The following MYB variants were observed in gnomAD, a reference collection of about 807,000 sequenced individuals.
MYB encodes MYB proto-oncogene, transcription factor, also known as transcriptional activator Myb.
In MYB, 28 loss-of-function variants were observed where a neutral mutation model predicts 92.9. That is an observed-to-expected ratio of 0.30 (90% CI 0.22 to 0.41). MYB has a LOEUF of 0.41. MYB is among the 10% of genes least tolerant of loss of function. The probability of loss-of-function intolerance (pLI) is 1.00; values close to 1 mark genes in which losing one functional copy is unlikely to be tolerated. For synonymous variants in MYB, 295 were observed against 329.1 expected (o/e 0.90, Z 1.12); for missense variants, 679 against 929.3 (o/e 0.73, Z 3.50).
At position 135,190,787 on chromosome 6, in the gene MYB, A is replaced by AT. The variant is rs530702207; in HGVS notation, c.527+448dup. On this transcript the variant is annotated intron_variant, in intron 5 of 15. Coordinates refer to ENST00000341911, the MANE Select transcript of MYB (RefSeq NM_001130173.2). The surrounding 1 kb of genome is among the most constrained non-coding windows in gnomAD (Gnocchi z 4.5). The stretch of plus-strand genomic sequence containing the variant: ...CTGATAACCATCATTCATTTCTTTT[A>AT]TTTTTTTTAATTATTATTTTTTAGA... Among the ~76,000 whole-genome samples, 398 of 152,062 alleles carry AT rather than the reference A, an allele frequency of 2.6e-3. 2 individuals carry two copies. Among genetic ancestry groups the AT allele is most frequent in the African/African-American group, 8.9e-3 (368 of 41,466 alleles).
At position 135,217,851 on chromosome 6, in the gene MYB, C is replaced by G; in HGVS notation, c.2170-13C>G. On this transcript the variant is annotated splice_polypyrimidine_tract_variant and intron_variant, in intron 15 of 15. Coordinates refer to ENST00000341911, the MANE Select transcript of MYB (RefSeq NM_001130173.2). ...TTGTCTGACGCTCCTGTTGCCATCC[C>G]TTTCTCCATCAGCCTTGTAGCAGTA... The G allele has an allele frequency of 6.4e-7, 1 of 1,572,854 alleles. No homozygotes were observed. Among genetic ancestry groups the G allele is most frequent in the Non-Finnish European group, 8.8e-7 (1 of 1,142,668 alleles).
At chr6:135,208,204 G>A (rs866161720) in intron 15 of MYB, among the ~76,000 whole-genome samples, 4 of 149,388 alleles carry the variant, frequency 2.7e-5, no homozygotes, top group African/African-American at 9.9e-5. Flanking sequence ...TTAGCCTCTC[G>A]AGTAGCTGGG....
At chr6:135,194,677 T>C (rs1373152061) in intron 8 of MYB, 5 of 569,214 alleles carry the variant, frequency 8.8e-6, no homozygotes, top group Non-Finnish European at 1.2e-5. Context: ...AAAAATGCAA[T>C]ATCCACTTAT....
chr6:135,194,544 A>C, intron 8 of MYB, 84 bp downstream of exon 8: 2 of 935,484 alleles, frequency 2.1e-6, no homozygotes, highest in Non-Finnish European at 3.3e-6. Flanking sequence ...TAAATATTAC[A>C]CTTAGCAAGG....
chr6:135,207,231 A>T (rs1344243692), intron 15 of MYB, among the ~76,000 whole-genome samples: 1 of 152,192 alleles, frequency 6.6e-6, no homozygotes, highest in African/African-American at 2.4e-5. Context: ...ATTAAGTGGG[A>T]TTTTAGCCAA....
In MYB at chr6:135,197,166, C is replaced by G; in HGVS notation, c.1409C>G (p.Ala470Gly). ...SLDPPKVLPP[A>G]RHSTIPLVIL... ...GACCCACCCAAGGTCTTACCTCCTGCAAGGCACAGCACAATTCCACTGGTC... is the reference window on the plus strand; with the variant it reads ...GACCCACCCAAGGTCTTACCTCCTGGAAGGCACAGCACAATTCCACTGGTC... The change falls in exon 10 of 16, where the codon GCA (alanine) becomes GGA (glycine). Residue 470 changes from alanine to glycine, a missense_variant. Around this residue, in one of 8 missense-constraint regions of MYB, gnomAD observed 402 missense variants for 434.2 expected, o/e 0.93. Transcript: ENST00000341911. 1 of 1,613,960 alleles carries G rather than the reference C, an allele frequency of 6.2e-7. No individual in the cohort carries two copies. Among genetic ancestry groups the G allele is most frequent in the African/African-American group, 1.3e-5 (1 of 75,030 alleles).
At position 135,197,048 on chromosome 6, in the gene MYB, C is replaced by CT. The variant is rs754165002; in HGVS notation, c.1292dup (p.Gln432ThrfsTer11). On this transcript the variant is annotated frameshift_variant, in exon 10 of 16. Transcript: ENST00000341911. LOFTEE classifies it high-confidence loss of function. ...TAGCCAACATCACACAGGCAAAGCC[C>CT]TACAGCTTCAGCAAAGAGAGGGCAA... 57 of 1,613,912 alleles carry CT rather than the reference C, an allele frequency of 3.5e-5. No individual in the cohort carries two copies. The highest frequency in any genetic ancestry group is 4.7e-5 in the Non-Finnish European group (55 of 1,179,904).
At chr6:135,203,480 G>A (rs928511887) in intron 15 of MYB, 156 bp downstream of exon 15, 15 of 689,144 alleles carry the variant, frequency 2.2e-5, no homozygotes, top group African/African-American at 2.2e-4. Context: ...TACAATTCTT[G>A]ATGTCTAGAA....
intron 15 of MYB, 78 bp from the exon 16 acceptor site, chr6:135,217,786 G>T: frequency 2.1e-6 from 2 of 945,286 alleles, no homozygotes; most frequent in Non-Finnish European, 3.4e-6. Flanking sequence ...GCCATCTGTT[G>T]GTCAGTGCTG....
chr6:135,199,448 AATTTT>A (rs1777768853), intron 11 of MYB: 2 of 439,262 alleles, frequency 4.6e-6, no homozygotes, highest in South Asian at 8.2e-5. Flanking sequence ...ATTTTTATTT[AATTTT>A]ATTTGTTTAT....
chr6:135,188,628 G>T (rs2128287838), intron 3 of MYB, among the ~76,000 whole-genome samples: 1 of 151,610 alleles, frequency 6.6e-6, no homozygotes, highest in East Asian at 1.9e-4. Context: ...TCGTGCCTCA[G>T]CCCCCTTAGT....
In MYB at chr6:135,183,833, G is replaced by A. The variant is rs1775517623; in HGVS notation, c.24-2070G>A. ...GCTTTTAAGAGGCACGGAAGGACAT[G>A]GCATGGTCATGTATTAGCGCTGGAA... On this transcript the variant is annotated intron_variant, in intron 1 of 15. Coordinates refer to ENST00000341911, the MANE Select transcript of MYB (RefSeq NM_001130173.2). Among the ~76,000 whole-genome samples, 6 of 152,208 alleles carry A rather than the reference G, an allele frequency of 3.9e-5. No homozygotes were observed. In the South Asian group the frequency reaches 1.2e-3, roughly 31 times the overall value.
intron 14 of MYB, among the ~76,000 whole-genome samples, chr6:135,202,204 T>G (rs1778201364): frequency 6.6e-6 from 1 of 152,172 alleles, no homozygotes; most frequent in African/African-American, 2.4e-5. Context: ...TTAAAGTTTA[T>G]AATTTGTGAA....
At chr6:135,211,479 G>C (rs1265656703) in intron 15 of MYB, among the ~76,000 whole-genome samples, 1 of 152,042 alleles carries the variant, frequency 6.6e-6, no homozygotes, top group Non-Finnish European at 1.5e-5. Flanking sequence ...GTGACACTTA[G>C]AGAGAATAAA....
intron 8 of MYB, chr6:135,194,808 GT>G (rs1777080195): frequency 4.3e-6 from 4 of 927,958 alleles, no homozygotes; most frequent in Admixed American, 6.9e-5. Flanking sequence ...TACCATTTTG[GT>G]TTTTTTCTAT....
chr6:135,199,999 G>A, intron 11 of MYB, 86 bp from the exon 12 acceptor site: 1 of 1,025,926 alleles, frequency 9.7e-7, no homozygotes, highest in Non-Finnish European at 1.5e-6. Context: ...ATTGTATTCA[G>A]TGGAAAAATG....
chr6:135,212,224 C>CTTTTTTTTTT (rs545704827), intron 15 of MYB, among the ~76,000 whole-genome samples: 425 of 32,908 alleles, frequency 0.013, 35 homozygotes, highest in Non-Finnish European at 0.017. Context: ...TTTGGTTTTA[C>CTTTTTTTTTT]TTTTTTTTTT....
chr6:135,205,647 G>A (rs1778760021), intron 15 of MYB, among the ~76,000 whole-genome samples: 2 of 152,190 alleles, frequency 1.3e-5, no homozygotes, highest in African/African-American at 4.8e-5. Flanking sequence ...ATTAAGTTGT[G>A]TATGGTGAAG....
In MYB at chr6:135,185,919, G is replaced by A. The variant is rs777923027; in HGVS notation, c.40G>A (p.Glu14Lys). The change falls in exon 2 of 16, where the codon GAG becomes AAG. Residue 14 changes from glutamate to lysine, a missense_variant. Around this residue, in one of 8 missense-constraint regions of MYB, gnomAD observed 88 missense variants for 145.6 expected, o/e 0.60. Coordinates refer to ENST00000341911, the MANE Select transcript of MYB (RefSeq NM_001130173.2). ...RPRHSIYSSD[E>K]DDEDFEMCDH... The stretch of plus-strand genomic sequence containing the variant: ...TTTCTGCAGCATATATAGCAGTGAC[G>A]AGGATGATGAGGACTTTGAGATGTG... The A allele has an allele frequency of 1.9e-6, 3 of 1,613,894 alleles. No individual in the cohort carries two copies. The highest frequency in any genetic ancestry group is 1.1e-5 in the South Asian group (1 of 91,074).
Sources: gnomAD v4.1 joint callset for allele counts (sites outside exome capture counted in the v4.1 genomes callset) on GRCh38, gnomAD v4.1.1 for gene constraint, gnomAD v4.1.1 regional missense constraint, Gnocchi (gnomAD v3.1) non-coding constraint, MANE v1.5 for transcripts, NCBI Gene and HGNC (gene_info 2026-07-23, HGNC 2026-07-21) for gene names.